Variants in SV2B observed in about 807,000 individuals in gnomAD.
SV2B encodes synaptic vesicle glycoprotein 2B, also known as solute carrier family 22 member B2.
Under a neutral mutation model 73.9 loss-of-function variants are expected in SV2B, and 41 were observed. That is an observed-to-expected ratio of 0.56 (90% CI 0.43 to 0.72). The LOEUF is 0.72. SV2B is among the 30% of genes least tolerant of loss of function. SV2B has a pLI of 0.00. For synonymous variants in SV2B, 314 were observed against 314.2 expected, an observed-to-expected ratio of 1.00 and a Z score of 0.01; for missense variants, 764 against 857.8, an observed-to-expected ratio of 0.89 and a Z score of 1.37.
chr15:91,278,716 T>C (rs2048584961), intron 9 of SV2B, among the ~76,000 whole-genome samples: 1 of 150,912 alleles, frequency 6.6e-6, no homozygotes, highest in Non-Finnish European at 1.5e-5. Flanking sequence ...ACACAGATAT[T>C]CAGGCAAGAA....
chr15:91,147,837 T>A (rs1276756015), intron 1 of SV2B, among the ~76,000 whole-genome samples: 1 of 152,086 alleles, frequency 6.6e-6, no homozygotes, highest in South Asian at 2.1e-4. Context: ...TACAGGACTT[T>A]AGGGGATATT....
chr15:91,184,366 G>A (rs912392298), intron 1 of SV2B, among the ~76,000 whole-genome samples: 2 of 152,148 alleles, frequency 1.3e-5, no homozygotes, highest in African/African-American at 4.8e-5. Context: ...CAGGCATATA[G>A]TAACTTCTCA....
At chr15:91,215,545 A>G (rs1274764821) in intron 1 of SV2B, among the ~76,000 whole-genome samples, 1 of 152,178 alleles carries the variant, frequency 6.6e-6, no homozygotes. Flanking sequence ...TTAACATCTT[A>G]ACTGATCATC....
Position 91,115,715 on chromosome 15 carries a change from A to G in SV2B, c.-392+15352A>G, listed in dbSNP as rs943451708. Among the ~76,000 whole-genome samples the G allele has an allele frequency of 1.3e-5, 2 of 152,042 alleles. No individual in the cohort carries two copies. Among genetic ancestry groups the G allele is most frequent in the African/African-American group, 2.4e-5 (1 of 41,380 alleles). On this transcript the variant is annotated intron_variant, in intron 1 of 12. Coordinates refer to ENST00000394232, the MANE Select transcript of SV2B (RefSeq NM_001323032.3). This position sits in a 1 kb window ranked among gnomAD's most constrained non-coding sequence, Gnocchi z 4.3. Reference sequence around the variant, plus strand: ...TCTAAGGGGTTTCTAAGGGGTTCACATTTTTATAACCATCTCCTTGCTTGC... The same window carrying G: ...TCTAAGGGGTTTCTAAGGGGTTCACGTTTTTATAACCATCTCCTTGCTTGC...
rs1272549339 is a variant in SV2B, at chr15:91,130,862, G to C, written c.-392+30499G>C. On this transcript the variant is annotated intron_variant, in intron 1 of 12. Transcript: ENST00000394232. The surrounding 1 kb of genome is among the most constrained non-coding windows in gnomAD (Gnocchi z 5.6). The stretch of plus-strand genomic sequence containing the variant: ...TGTCTTTAGGATGTGTGATATTTTA[G>C]TATTTTTACAGGGTAAAAAATGAGA... Among the ~76,000 whole-genome samples the C allele has an allele frequency of 2.0e-5, 3 of 152,148 alleles. No homozygotes were observed. The highest frequency in any genetic ancestry group is 4.4e-5 in the Non-Finnish European group (3 of 68,030).
At position 91,283,268 on chromosome 15, in the gene SV2B, ACAGAC is replaced by A. The variant is rs2048740256; in HGVS notation, c.1508-752_1508-748del. Among the ~76,000 whole-genome samples the A allele has an allele frequency of 6.6e-6, 1 of 152,190 alleles. No homozygotes were observed. The highest frequency in any genetic ancestry group is 2.1e-4 in the South Asian group (1 of 4,830). On this transcript the variant is annotated intron_variant, in intron 10 of 12. Transcript: ENST00000394232. The surrounding 1 kb of genome is among the most constrained non-coding windows in gnomAD (Gnocchi z 4.3). ...TTTTTAAGAATGTTCAGGTTTTGGC[ACAGAC>A]TACAGCATGGGCTCTGGAGTGATCG... is the stretch of plus-strand genomic sequence containing the variant.
At chr15:91,278,942 T>C (rs548186474) in intron 9 of SV2B, among the ~76,000 whole-genome samples, 1 of 152,264 alleles carries the variant, frequency 6.6e-6, no homozygotes, top group East Asian at 1.9e-4. Context: ...GCCGTAGCCT[T>C]TATTTATTTT....
rs937283092 is a variant in SV2B, at chr15:91,130,551, G to A, written c.-392+30188G>A. 2.0e-5 allele frequency among the ~76,000 whole-genome samples: 3 copies of A among 152,126 alleles called. No individual in the cohort carries two copies. The highest frequency in any genetic ancestry group is 4.8e-5 in the African/African-American group (2 of 41,404). ...CTGCATTTGGGGAGGAAGGAGAAGA[G>A]TCAGGAGAAAGCTGGTGTCAGAGAT... On this transcript the variant is annotated intron_variant, in intron 1 of 12. Transcript: ENST00000394232. This position sits in a 1 kb window ranked among gnomAD's most constrained non-coding sequence, Gnocchi z 5.6.
chr15:91,188,225 A>G (rs1839021801), intron 1 of SV2B, among the ~76,000 whole-genome samples: 2 of 152,066 alleles, frequency 1.3e-5, no homozygotes, highest in African/African-American at 4.8e-5. Context: ...CTGTCTGTAG[A>G]TTATGTGCTT....
intron 1 of SV2B, among the ~76,000 whole-genome samples, chr15:91,190,288 T>C (rs1271897312): frequency 6.6e-6 from 1 of 152,184 alleles, no homozygotes; most frequent in Non-Finnish European, 1.5e-5. Flanking sequence ...AGTGGTCATA[T>C]CATTCATCAA....
chr15:91,180,047 T>A (rs1596532636), intron 1 of SV2B, among the ~76,000 whole-genome samples: 1 of 152,018 alleles, frequency 6.6e-6, no homozygotes, highest in Non-Finnish European at 1.5e-5. Context: ...TTCCTTTCCA[T>A]GTTTAGTGCT....
chr15:91,127,340 G>A (rs1203799323), intron 1 of SV2B, among the ~76,000 whole-genome samples: 1 of 151,994 alleles, frequency 6.6e-6, no homozygotes, highest in African/African-American at 2.4e-5. Flanking sequence ...CTAATTAACG[G>A]GCAGAGGCCA....
chr15:91,202,664 C>T (rs1223082307), intron 1 of SV2B, among the ~76,000 whole-genome samples: 1 of 152,164 alleles, frequency 6.6e-6, no homozygotes, highest in Non-Finnish European at 1.5e-5. Flanking sequence ...GATTAATGCT[C>T]TGGGGATCAA....
Position 91,289,511 on chromosome 15 carries a change from C to T in SV2B, c.1709-10C>T, listed in dbSNP as rs1438323942. 6.2e-7 allele frequency: 1 copy of T among 1,614,176 alleles called. No homozygotes were observed. Among genetic ancestry groups the T allele is most frequent in the Non-Finnish European group, 8.5e-7 (1 of 1,180,022 alleles). On this transcript the variant is annotated splice_polypyrimidine_tract_variant and intron_variant, in intron 11 of 12. Transcript: ENST00000394232. This position sits in a 1 kb window ranked among gnomAD's most constrained non-coding sequence, Gnocchi z 4.9. Reference sequence around the variant, plus strand: ...TCATGTTTCTTTTTGCCCTTGAACTCCCTCTGCAGGTGGCTCCATGCTAAT... The same window carrying T: ...TCATGTTTCTTTTTGCCCTTGAACTTCCTCTGCAGGTGGCTCCATGCTAAT...
chr15:91,260,425 C>T lies in SV2B; in HGVS notation c.1008+16C>T, dbSNP rs2047868711. 3 of 1,581,336 alleles carry T rather than the reference C, an allele frequency of 1.9e-6. No homozygotes were observed. The highest frequency in any genetic ancestry group is 1.4e-5 in the African/African-American group (1 of 73,538). On this transcript the variant is annotated intron_variant, in intron 6 of 12. Coordinates refer to ENST00000394232, the MANE Select transcript of SV2B (RefSeq NM_001323032.3). ...AGTGTTCACGGTGAGTGTGGGGTTGCCTGCCAATAAGAAGGGGGTTCTCCT... is the reference window on the plus strand; with the variant it reads ...AGTGTTCACGGTGAGTGTGGGGTTGTCTGCCAATAAGAAGGGGGTTCTCCT...
chr15:91,250,294 G>A (rs1042995952), intron 2 of SV2B, among the ~76,000 whole-genome samples: 3 of 152,100 alleles, frequency 2.0e-5, no homozygotes, highest in Non-Finnish European at 4.4e-5. Flanking sequence ...TGCAGAAAAA[G>A]CATTTGACAA....
rs963957436 is a variant in SV2B at position 91,232,613 on chromosome 15, G to C, written c.451+5899G>C. Among the ~76,000 whole-genome samples, 3 of 152,074 alleles carry C rather than the reference G, an allele frequency of 2.0e-5. No homozygotes were observed. The highest frequency in any genetic ancestry group is 4.4e-5 in the Non-Finnish European group (3 of 68,018). On this transcript the variant is annotated intron_variant, in intron 2 of 12. Transcript: ENST00000394232. This position sits in a 1 kb window ranked among gnomAD's most constrained non-coding sequence, Gnocchi z 4.7. The stretch of plus-strand genomic sequence containing the variant: ...GGATGAGTTGTCTGAATTGGTTCTG[G>C]GGTTTCTGGAATTGGCTTTCTAATC...
intron 4 of SV2B, among the ~76,000 whole-genome samples, chr15:91,256,483 T>C (rs1297380454): frequency 6.6e-6 from 1 of 152,256 alleles, no homozygotes; most frequent in Non-Finnish European, 1.5e-5. Context: ...TGAGTTTGAC[T>C]GCTGTGTGGT....
intron 1 of SV2B, among the ~76,000 whole-genome samples, chr15:91,172,301 C>T (rs868706699): frequency 6.6e-6 from 1 of 152,176 alleles, no homozygotes; most frequent in African/African-American, 2.4e-5. Context: ...TTCTCTCTGC[C>T]AGGAAAGCCC....
Sources: allele counts gnomAD v4.1 joint callset (sites outside exome capture counted in the v4.1 genomes callset), GRCh38; gene constraint gnomAD v4.1.1; non-coding constraint Gnocchi (gnomAD v3.1); transcripts MANE v1.5; gene names NCBI Gene and HGNC (gene_info 2026-07-23, HGNC 2026-07-21).